Variants in RHEX observed in about 807,000 individuals in gnomAD.
RHEX encodes the protein regulator of hemoglobinization and erythroid cell expansion protein.
RHEX carries 18 observed loss-of-function variants against 20.1 expected under a neutral mutation model. That is an observed-to-expected ratio of 0.90 (90% confidence interval 0.62 to 1.33). RHEX has a LOEUF of 1.33. Among genes scored for constraint, RHEX ranks in the 40% most tolerant of loss-of-function variants. The probability of loss-of-function intolerance (pLI) is 0.00; values close to 1 mark genes in which losing one functional copy is unlikely to be tolerated. For missense variants in RHEX, 192 were observed against 214.3 expected (o/e 0.90, Z 0.65); for synonymous variants, 87 against 77.1 (o/e 1.13, Z -0.67).
intron 1 of RHEX, among the ~76,000 whole-genome samples, chr1:206,068,181 A>T (rs187171917): frequency 2.0e-5 from 3 of 152,318 alleles, no homozygotes; most frequent in African/African-American, 7.2e-5. Flanking sequence ...AAAGTGTCAT[A>T]GTTTGGACGA....
At chr1:206,068,718 A>G (rs1341406511) in intron 1 of RHEX, among the ~76,000 whole-genome samples, 1 of 152,230 alleles carries the variant, frequency 6.6e-6, no homozygotes, top group Non-Finnish European at 1.5e-5. Context: ...CTCAGCATAA[A>G]ACTTGGGTGG....
intron 1 of RHEX, among the ~76,000 whole-genome samples, chr1:206,079,736 A>C (rs1184199095): frequency 2.0e-5 from 3 of 152,170 alleles, no homozygotes; most frequent in Non-Finnish European, 4.4e-5. Context: ...TTAAATTTTT[A>C]GTAGAGACGG....
intron 1 of RHEX, among the ~76,000 whole-genome samples, chr1:206,093,461 G>A (rs1477454407): frequency 6.6e-6 from 1 of 151,932 alleles, no homozygotes; most frequent in African/African-American, 2.4e-5. Flanking sequence ...AGTAGAGACG[G>A]GGTTTCACCA....
intron 1 of RHEX, among the ~76,000 whole-genome samples, chr1:206,063,856 G>A (rs1430002670): frequency 5.5e-5 from 8 of 144,958 alleles, no homozygotes; most frequent in African/African-American, 7.7e-5. Flanking sequence ...GCCGCCCATC[G>A]TCTGGGATGT....
chr1:206,072,402 T>C (rs958901487), intron 1 of RHEX, among the ~76,000 whole-genome samples: 11 of 152,108 alleles, frequency 7.2e-5, no homozygotes, highest in Admixed American at 6.6e-4. Context: ...GGTGAAACCC[T>C]GTCTCTACTA....
rs1408606807 is a variant in RHEX, at chr1:206,094,370, A to G, written c.-96-3363A>G. Among the ~76,000 whole-genome samples, 3 of 152,208 alleles carry G rather than the reference A, an allele frequency of 2.0e-5. No individual in the cohort carries two copies. The East Asian group carries it at 5.8e-4, about 29-fold the overall frequency. The stretch of plus-strand genomic sequence containing the variant: ...ATCTTATCTCCAAACTGTACTCAAA[A>G]CAAATGCCTAAGTTTTCTAAAATAG... On this transcript the variant is annotated intron_variant, in intron 1 of 5. Transcript: ENST00000331555.
At chr1:206,066,603 G>A (rs1558170808) in intron 1 of RHEX, among the ~76,000 whole-genome samples, 1 of 152,150 alleles carries the variant, frequency 6.6e-6, no homozygotes, top group Non-Finnish European at 1.5e-5. Context: ...GGCAACAAGA[G>A]AGAGACTCTG....
At chr1:206,054,909 T>C (rs1662157129) in intron 1 of RHEX, among the ~76,000 whole-genome samples, 1 of 152,274 alleles carries the variant, frequency 6.6e-6, no homozygotes, top group African/African-American at 2.4e-5. Flanking sequence ...TAGAGGATCA[T>C]AAAAGTTAAA....
intron 1 of RHEX, among the ~76,000 whole-genome samples, chr1:206,094,656 T>C (rs1328969764): frequency 6.6e-6 from 1 of 152,168 alleles, no homozygotes; most frequent in Non-Finnish European, 1.5e-5. Context: ...CTGAAATTAG[T>C]ATTTAAGAAT....
At position 206,099,665 on chromosome 1, in the gene RHEX, T is replaced by C. The variant is rs782341410; in HGVS notation, c.123T>C (p.Ser41=). The change falls in exon 4 of 6, where the codon AGT becomes AGC. Residue 41 remains serine, a synonymous_variant. Transcript: ENST00000331555. The part of the protein sequence containing the change: ...YLLSRHMAHK[S]EQILKAASLQ... Reference sequence around the variant, plus strand: ...CCCTCTCCCTTCCAGCCCACAAGAGTGAACAGATACTGAAAGCGGCCAGTC... The same window carrying C: ...CCCTCTCCCTTCCAGCCCACAAGAGCGAACAGATACTGAAAGCGGCCAGTC... 1 of 1,613,630 alleles carries C rather than the reference T, an allele frequency of 6.2e-7. No individual in the cohort carries two copies. The highest frequency in any genetic ancestry group is 1.1e-5 in the South Asian group (1 of 91,054).
intron 1 of RHEX, among the ~76,000 whole-genome samples, chr1:206,076,471 A>T (rs1383087358): frequency 6.6e-6 from 1 of 152,202 alleles, no homozygotes; most frequent in Admixed American, 6.5e-5. Context: ...CAGCCCAGGG[A>T]CATCTTTTAT....
intron 1 of RHEX, among the ~76,000 whole-genome samples, chr1:206,094,354 C>T (rs782080080): frequency 6.6e-6 from 1 of 152,156 alleles, no homozygotes; most frequent in African/African-American, 2.4e-5. Flanking sequence ...GATCTTATCT[C>T]CAAACTGTAC....
intron 1 of RHEX, among the ~76,000 whole-genome samples, chr1:206,094,203 G>A (rs572782254): frequency 4.9e-5 from 7 of 144,210 alleles, no homozygotes; most frequent in South Asian, 2.1e-4. Context: ...TGTGTGTCAC[G>A]TGCACGCGCA....
At chr1:206,086,304 T>C (rs1182251750) in intron 1 of RHEX, among the ~76,000 whole-genome samples, 1 of 152,204 alleles carries the variant, frequency 6.6e-6, no homozygotes, top group African/African-American at 2.4e-5. Flanking sequence ...AGGATCATCC[T>C]CTGGTACCTA....
intron 1 of RHEX, among the ~76,000 whole-genome samples, chr1:206,070,718 T>C (rs1662508884): frequency 6.6e-6 from 1 of 152,198 alleles, no homozygotes; most frequent in Non-Finnish European, 1.5e-5. Context: ...GTTGGTTTTA[T>C]TATTTTTAAA....
chr1:206,080,982 TACAC>T (rs71152465), intron 1 of RHEX, among the ~76,000 whole-genome samples: 1 of 149,798 alleles, frequency 6.7e-6, no homozygotes, highest in South Asian at 2.1e-4. Flanking sequence ...TTTTTGTACA[TACAC>T]ACACACACAC....
intron 1 of RHEX, among the ~76,000 whole-genome samples, chr1:206,079,174 T>C (rs1553285555): frequency 6.6e-6 from 1 of 152,092 alleles, no homozygotes; most frequent in Non-Finnish European, 1.5e-5. Flanking sequence ...TGCTGAAAAA[T>C]AGTAAAATAT....
chr1:206,069,997 T>G (rs985996464), intron 1 of RHEX, among the ~76,000 whole-genome samples: 9 of 152,068 alleles, frequency 5.9e-5, no homozygotes, highest in African/African-American at 1.9e-4. Context: ...TCACCGTTAC[T>G]TTTTAGCAAT....
At position 206,101,779 on chromosome 1, in the gene RHEX, G is replaced by T; in HGVS notation, c.346G>T (p.Val116Phe). The change falls in exon 6 of 6, where the codon GTC becomes TTC. Residue 116 changes from valine to phenylalanine, a missense_variant. Val to Phe is a conservative substitution (Grantham distance 50, BLOSUM62 -1). Coordinates refer to ENST00000331555, the MANE Select transcript of RHEX (RefSeq NM_001007544.4). Reference sequence around the variant, plus strand: ...CACAGAGGATGTGGATTACACACAAGTCGTCTTTTCTGACCCTGGAGAACT... The same window carrying T: ...CACAGAGGATGTGGATTACACACAATTCGTCTTTTCTGACCCTGGAGAACT... ...QATEDVDYTQ[V>F]VFSDPGELKN... 1 of 1,613,694 alleles carries T rather than the reference G, an allele frequency of 6.2e-7. No individual in the cohort carries two copies. The highest frequency in any genetic ancestry group is 1.7e-4 in the Middle Eastern group (1 of 6,060).
Sources: gnomAD v4.1 joint callset for allele counts (sites outside exome capture counted in the v4.1 genomes callset) on GRCh38, gnomAD v4.1.1 for gene constraint, MANE v1.5 for transcripts, NCBI Gene and HGNC (gene_info 2026-07-23, HGNC 2026-07-21) for gene names.